LRPPRC: variants seen among roughly 807,000 people sequenced by gnomAD.
LRPPRC encodes the protein leucine-rich PPR motif-containing protein, mitochondrial.
In LRPPRC, 120 loss-of-function variants were observed where a neutral mutation model predicts 180.3. That is an observed-to-expected ratio of 0.67 (90% CI 0.57 to 0.77). The LOEUF (loss-of-function observed/expected upper bound fraction) is 0.77, where lower values mean the gene tolerates loss of function less well. LRPPRC is among the 30% of genes least tolerant of loss of function. LRPPRC has a pLI of 0.00. For missense variants in LRPPRC, 2,012 were observed against 1,657.2 expected (o/e 1.21, Z -3.72); for synonymous variants, 723 against 600.0 (o/e 1.21, Z -3.00).
chr2:43,950,698 G>T, intron 14 of LRPPRC, 98 bp from the exon 15 acceptor site: 2 of 850,624 alleles, frequency 2.4e-6, no homozygotes, highest in Non-Finnish European at 4.0e-6. Context: ...AAATTAATAA[G>T]TAAATAAATG....
chr2:43,899,459 A>C lies in LRPPRC; in HGVS notation c.3709+7T>G. ...TGTGTGTTCTTTAGCACAAACAACT[A>C]ACTTACTCTTTTCAACTGCTGGTTC... On this transcript the variant is annotated splice_region_variant and intron_variant, in intron 33 of 37. Coordinates refer to ENST00000260665, the MANE Select transcript of LRPPRC (RefSeq NM_133259.4). 1 of 1,614,142 alleles carries C rather than the reference A, an allele frequency of 6.2e-7. No individual in the cohort carries two copies. Among genetic ancestry groups the C allele is most frequent in the Non-Finnish European group, 8.5e-7 (1 of 1,179,978 alleles).
intron 20 of LRPPRC, among the ~76,000 whole-genome samples, chr2:43,946,596 T>C (rs1484675740): frequency 2.0e-5 from 3 of 152,082 alleles, no homozygotes; most frequent in Non-Finnish European, 2.9e-5. Context: ...TGCAGAAATA[T>C]GTATCATTGA....
At chr2:43,893,769 T>C (rs1670581743) in intron 36 of LRPPRC, among the ~76,000 whole-genome samples, 2 of 152,144 alleles carry the variant, frequency 1.3e-5, no homozygotes, top group African/African-American at 4.8e-5. Context: ...GACTATTAGC[T>C]CTATTTTGAA....
At chr2:43,966,049 G>A (rs1048149922) in intron 11 of LRPPRC, among the ~76,000 whole-genome samples, 2 of 152,178 alleles carry the variant, frequency 1.3e-5, no homozygotes, top group Non-Finnish European at 2.9e-5. Flanking sequence ...CAGTACCCAA[G>A]ATGTAGAAAC....
At chr2:43,892,259 T>C (rs1279152786) in intron 36 of LRPPRC, among the ~76,000 whole-genome samples, 1 of 152,242 alleles carries the variant, frequency 6.6e-6, no homozygotes, top group Admixed American at 6.5e-5. Context: ...AAAGATTTCA[T>C]AGCTAGAGAG....
At chr2:43,927,497 T>A (rs62138285) in intron 25 of LRPPRC, among the ~76,000 whole-genome samples, 12,426 of 152,202 alleles carry the variant, frequency 0.082, 595 homozygotes, top group South Asian at 0.14. Flanking sequence ...ATATCTACAC[T>A]CAGGCACAAT....
intron 25 of LRPPRC, among the ~76,000 whole-genome samples, chr2:43,926,919 T>C (rs1213833823): frequency 6.6e-6 from 1 of 152,230 alleles, no homozygotes; most frequent in East Asian, 1.9e-4. Context: ...TTAAAATTGG[T>C]TTATAGTCTC....
intron 33 of LRPPRC, 51 bp downstream of exon 33, chr2:43,899,415 A>G (rs747810101): frequency 5.6e-6 from 9 of 1,612,792 alleles, no homozygotes; most frequent in Non-Finnish European, 7.6e-6. Context: ...GTCTAGTCTC[A>G]CTAGAGAGAA....
intron 24 of LRPPRC, 86 bp from the exon 25 acceptor site, chr2:43,934,382 G>T: frequency 1.5e-6 from 1 of 678,766 alleles, no homozygotes; most frequent in East Asian, 2.7e-5. Context: ...ACAAATACAA[G>T]AAAAATTTAT....
At chr2:43,894,668 A>C (rs2104979653) in intron 35 of LRPPRC, 39 bp from the exon 36 acceptor site, 3 of 973,114 alleles carry the variant, frequency 3.1e-6, no homozygotes, top group Non-Finnish European at 3.4e-6. Flanking sequence ...GAAAACCGCA[A>C]ATTAACAGTG....
At chr2:43,943,413 G>A (rs1432963505) in intron 23 of LRPPRC, among the ~76,000 whole-genome samples, 1 of 151,886 alleles carries the variant, frequency 6.6e-6, no homozygotes, top group Non-Finnish European at 1.5e-5. Flanking sequence ...ACACTTATCA[G>A]GCTCAAAACT....
intron 29 of LRPPRC, among the ~76,000 whole-genome samples, chr2:43,914,269 C>A (rs1671363037): frequency 6.6e-6 from 1 of 151,920 alleles, no homozygotes; most frequent in Admixed American, 6.6e-5. Context: ...TTTTAATATA[C>A]CAAACCCATT....
chr2:43,963,518 G>T (rs753795945), intron 12 of LRPPRC, 70 bp downstream of exon 12: 1 of 968,200 alleles, frequency 1.0e-6, no homozygotes, highest in Non-Finnish European at 1.7e-6. Context: ...TTTTTTGTGT[G>T]TCAACACTAA....
chr2:43,981,949 C>T (rs1674327085), intron 2 of LRPPRC, among the ~76,000 whole-genome samples: 1 of 152,030 alleles, frequency 6.6e-6, no homozygotes, highest in South Asian at 2.1e-4. Context: ...TCTCTGTCGC[C>T]CAGGCTGGAG....
intron 30 of LRPPRC, among the ~76,000 whole-genome samples, chr2:43,908,764 T>C (rs371716340): frequency 6.6e-6 from 1 of 152,202 alleles, no homozygotes. Flanking sequence ...TGACTGCAAG[T>C]GATCCACCTG....
chr2:43,914,785 T>C (rs1340627676), intron 29 of LRPPRC, among the ~76,000 whole-genome samples: 1 of 152,054 alleles, frequency 6.6e-6, no homozygotes, highest in Non-Finnish European at 1.5e-5. Context: ...AAATGAAAAT[T>C]CCAGAATAGA....
intron 29 of LRPPRC, among the ~76,000 whole-genome samples, chr2:43,913,774 T>C (rs993568771): frequency 6.6e-6 from 1 of 152,208 alleles, no homozygotes; most frequent in Non-Finnish European, 1.5e-5. Flanking sequence ...TAGATTTCTA[T>C]GGTTGTGAAC....
chr2:43,952,551 T>A (rs1672946534), intron 14 of LRPPRC, among the ~76,000 whole-genome samples: 1 of 152,238 alleles, frequency 6.6e-6, no homozygotes, highest in African/African-American at 2.4e-5. Flanking sequence ...CACTAAGTTT[T>A]GGAATTTCTG....
chr2:43,901,717 A>G, intron 31 of LRPPRC, 193 bp from the exon 32 acceptor site: 1 of 573,548 alleles, frequency 1.7e-6, no homozygotes, highest in South Asian at 2.2e-5. Context: ...ACTATATAAG[A>G]TATTAGAGGC....
Sources: allele counts gnomAD v4.1 joint callset (sites outside exome capture counted in the v4.1 genomes callset), GRCh38; gene constraint gnomAD v4.1.1; transcripts MANE v1.5; gene names NCBI Gene and HGNC (gene_info 2026-07-23, HGNC 2026-07-21).